WWOX: variants seen among roughly 807,000 people sequenced by gnomAD.
WWOX encodes the protein WW domain containing oxidoreductase, also known as WW domain-containing oxidoreductase.
A neutral mutation model predicts 46.2 loss-of-function variants in WWOX; 69 were observed. The ratio of observed to expected loss-of-function variants is 1.49; its 90% CI spans 1.23 to 1.82. The LOEUF is 1.82. WWOX is among the 40% of genes most tolerant of loss of function. The pLI is 0.00. For synonymous variants in WWOX, 359 were observed against 202.6 expected, an observed-to-expected ratio of 1.77 and a Z score of -6.56; for missense variants, 919 against 542.6, an observed-to-expected ratio of 1.69 and a Z score of -6.89.
At chr16:78,925,971 G>A (rs563122845) in intron 8 of WWOX, among the ~76,000 whole-genome samples, 175 of 152,282 alleles carry the variant, frequency 1.1e-3, no homozygotes, top group African/African-American at 4.1e-3. Flanking sequence ...GAACCAAGAG[G>A]GCAGGGAGAA....
chr16:78,980,796 T>C (rs1260699885), intron 8 of WWOX, among the ~76,000 whole-genome samples: 1 of 152,230 alleles, frequency 6.6e-6, no homozygotes, highest in East Asian at 1.9e-4. Context: ...TTTCATCATC[T>C]GGAAAGGAGG....
chr16:78,769,592 G>A (rs7201295), intron 8 of WWOX, among the ~76,000 whole-genome samples: 70,705 of 140,764 alleles, frequency 0.5, 17,895 homozygotes, highest in Middle Eastern at 0.63. Context: ...TTTTTACCAT[G>A]TCTGTTACTC....
chr16:78,981,371 G>A (rs1215103996), intron 8 of WWOX, among the ~76,000 whole-genome samples: 1 of 152,082 alleles, frequency 6.6e-6, no homozygotes, highest in Admixed American at 6.6e-5. Context: ...AGTAGGGAGG[G>A]ACACGGACAA....
chr16:78,739,825 C>A (rs181293425), intron 8 of WWOX, among the ~76,000 whole-genome samples: 2 of 152,074 alleles, frequency 1.3e-5, no homozygotes, highest in Non-Finnish European at 2.9e-5. Flanking sequence ...AACAAACAAA[C>A]AAACAAACAA....
intron 8 of WWOX, among the ~76,000 whole-genome samples, chr16:78,812,689 G>T (rs924893674): frequency 2.0e-5 from 3 of 152,004 alleles, no homozygotes; most frequent in Non-Finnish European, 4.4e-5. Flanking sequence ...TAGTGCCACT[G>T]CACTGCAGCC....
chr16:78,605,790 G>A (rs924697881), intron 8 of WWOX, among the ~76,000 whole-genome samples: 1 of 152,118 alleles, frequency 6.6e-6, no homozygotes, highest in Non-Finnish European at 1.5e-5. Flanking sequence ...AGCAATGTTG[G>A]GGCACTCATG....
intron 8 of WWOX, among the ~76,000 whole-genome samples, chr16:78,948,769 A>T (rs1338426592): frequency 6.6e-6 from 1 of 152,298 alleles, no homozygotes; most frequent in Non-Finnish European, 1.5e-5. Flanking sequence ...GTTACGTAAC[A>T]TGACAAAAGG....
chr16:78,820,893 C>G (rs532195310), intron 8 of WWOX, among the ~76,000 whole-genome samples: 2 of 152,288 alleles, frequency 1.3e-5, no homozygotes, highest in African/African-American at 4.8e-5. Flanking sequence ...GGAAACACCA[C>G]ATTCTAATCT....
intron 8 of WWOX, among the ~76,000 whole-genome samples, chr16:78,822,581 A>C (rs1164313605): frequency 6.6e-6 from 1 of 152,210 alleles, no homozygotes; most frequent in East Asian, 1.9e-4. Flanking sequence ...ATATTTTATA[A>C]ATAAAGTCTT....
intron 8 of WWOX, among the ~76,000 whole-genome samples, chr16:79,150,394 T>G (rs2050256158): frequency 6.6e-6 from 1 of 152,192 alleles, no homozygotes; most frequent in African/African-American, 2.4e-5. Flanking sequence ...TAGGGCAGTT[T>G]CAGATGCTTC....
At chr16:78,793,032 G>A (rs1048514467) in intron 8 of WWOX, among the ~76,000 whole-genome samples, 1 of 152,078 alleles carries the variant, frequency 6.6e-6, no homozygotes, top group East Asian at 1.9e-4. Flanking sequence ...TGCCCCCGCT[G>A]CCCCCTTTCT....
At chr16:78,503,445 T>C (rs1012564618) in intron 8 of WWOX, among the ~76,000 whole-genome samples, 3 of 149,694 alleles carry the variant, frequency 2.0e-5, no homozygotes, top group South Asian at 2.2e-4. Flanking sequence ...TAATTCCTTA[T>C]TGTAAAAAAA....
chr16:78,764,258 C>T (rs1004481288), intron 8 of WWOX, among the ~76,000 whole-genome samples: 2 of 151,848 alleles, frequency 1.3e-5, no homozygotes, highest in South Asian at 4.2e-4. Flanking sequence ...GCCTTCCTGC[C>T]AGAATTTCTC....
intron 4 of WWOX, among the ~76,000 whole-genome samples, chr16:78,139,729 C>A (rs541464132): frequency 7.9e-5 from 12 of 152,172 alleles, no homozygotes; most frequent in African/African-American, 2.9e-4. Flanking sequence ...TTAGGTTCCT[C>A]CAAAAACAGA....
intron 5 of WWOX, among the ~76,000 whole-genome samples, chr16:78,381,678 C>G (rs1219148710): frequency 6.6e-6 from 1 of 152,044 alleles, no homozygotes; most frequent in Admixed American, 6.6e-5. Flanking sequence ...ATTTTGAGAG[C>G]CATTTTACAG....
intron 6 of WWOX, among the ~76,000 whole-genome samples, chr16:78,420,052 C>T (rs1048065644): frequency 6.6e-6 from 1 of 152,006 alleles, no homozygotes; most frequent in Non-Finnish European, 1.5e-5. Context: ...TAGGGAAATG[C>T]AAATGAAAGC....
intron 5 of WWOX, among the ~76,000 whole-genome samples, chr16:78,255,548 A>G (rs1030166577): frequency 6.6e-6 from 1 of 152,158 alleles, no homozygotes; most frequent in African/African-American, 2.4e-5. Context: ...CTCTCTTGGC[A>G]CTATAGGGGG....
intron 8 of WWOX, among the ~76,000 whole-genome samples, chr16:78,786,730 T>G (rs1022994674): frequency 7.9e-5 from 12 of 152,356 alleles, no homozygotes; most frequent in South Asian, 6.2e-4. Flanking sequence ...AATCACTGTT[T>G]CCTTTAAAGA....
intron 5 of WWOX, among the ~76,000 whole-genome samples, chr16:78,321,275 T>TAA (rs1316510611): frequency 8.8e-6 from 1 of 114,078 alleles, no homozygotes; most frequent in African/African-American, 3.6e-5. Context: ...CTTAGTTTTT[T>TAA]AAATATATAT....
Sources: gnomAD v4.1 joint callset for allele counts (sites outside exome capture counted in the v4.1 genomes callset) on GRCh38, gnomAD v4.1.1 for gene constraint, MANE v1.5 for transcripts, NCBI Gene and HGNC (gene_info 2026-07-23, HGNC 2026-07-21) for gene names.